Variants in COG6 observed in about 807,000 individuals in gnomAD.
COG6 encodes the protein conserved oligomeric Golgi complex subunit 6.
Under a neutral mutation model 88.8 loss-of-function variants are expected in COG6, and 74 were observed. That is an observed-to-expected ratio of 0.83 (90% CI 0.69 to 1.01). The LOEUF (loss-of-function observed/expected upper bound fraction) is 1.01, where lower values mean the gene tolerates loss of function less well. Among genes scored for constraint, COG6 ranks in the 50% least tolerant of loss-of-function variants. COG6 has a pLI of 0.00. For missense variants in COG6, 800 were observed against 797.9 expected (o/e 1.00, Z -0.03); for synonymous variants, 286 against 278.7 (o/e 1.03, Z -0.26).
At chr13:39,780,390 T>C (rs925603821) in intron 18 of COG6, among the ~76,000 whole-genome samples, 1 of 152,214 alleles carries the variant, frequency 6.6e-6, no homozygotes, top group Non-Finnish European at 1.5e-5. Context: ...CAGGCATGCA[T>C]GCCCTGGCAG....
chr13:39,749,281 G>T (rs1188346361), intron 18 of COG6, among the ~76,000 whole-genome samples: 1 of 152,174 alleles, frequency 6.6e-6, no homozygotes, highest in Non-Finnish European at 1.5e-5. Flanking sequence ...TGTATTTATT[G>T]AGCATCCATC....
At chr13:39,748,814 CA>C (rs1880473442) in intron 18 of COG6, among the ~76,000 whole-genome samples, 1 of 152,120 alleles carries the variant, frequency 6.6e-6, no homozygotes, top group South Asian at 2.1e-4. Flanking sequence ...TGGAAAATGT[CA>C]AGTTACTCCA....
chr13:39,705,127 G>A (rs1877811426), intron 13 of COG6, among the ~76,000 whole-genome samples: 1 of 152,048 alleles, frequency 6.6e-6, no homozygotes, highest in Admixed American at 6.6e-5. Context: ...AATATTTATT[G>A]TAGCATGTTC....
At chr13:39,671,483 A>T (rs2137969901) in intron 4 of COG6, among the ~76,000 whole-genome samples, 1 of 151,870 alleles carries the variant, frequency 6.6e-6, no homozygotes, top group South Asian at 2.1e-4. Flanking sequence ...ACATTTATCA[A>T]CCAGGTAGAC....
At chr13:39,694,353 A>G (rs908231227) in intron 11 of COG6, among the ~76,000 whole-genome samples, 2 of 151,796 alleles carry the variant, frequency 1.3e-5, no homozygotes, top group Non-Finnish European at 3.0e-5. Context: ...TACTGGTGAT[A>G]AATCTCAAAT....
At chr13:39,791,317 A>G (rs1881931501) in exon 19 of COG6, 1 of 152,078 alleles carries the variant, frequency 6.6e-6, no homozygotes, top group African/African-American at 2.4e-5. Context: ...TGGAAATGAA[A>G]GTATGATTCT....
At chr13:39,670,244 G>C (rs1423377234) in intron 4 of COG6, among the ~76,000 whole-genome samples, 1 of 151,944 alleles carries the variant, frequency 6.6e-6, no homozygotes, top group East Asian at 1.9e-4. Context: ...TGATAATCAG[G>C]AAAGACTATA....
chr13:39,773,871 C>T (rs79554724), intron 18 of COG6, among the ~76,000 whole-genome samples: 3 of 144,802 alleles, frequency 2.1e-5, no homozygotes, highest in South Asian at 2.2e-4. Context: ...GACATTTTTG[C>T]TTTTTTTTTT....
chr13:39,788,105 G>GTA (rs1881830835), intron 18 of COG6, among the ~76,000 whole-genome samples: 2 of 152,260 alleles, frequency 1.3e-5, no homozygotes, highest in Admixed American at 1.3e-4. Context: ...GCCATGCTTA[G>GTA]AGCTTTTCCT....
At chr13:39,660,159 A>G (rs1177572878) in intron 2 of COG6, among the ~76,000 whole-genome samples, 1 of 152,152 alleles carries the variant, frequency 6.6e-6, no homozygotes, top group Non-Finnish European at 1.5e-5. Context: ...TATTGACTGA[A>G]GACTAATACT....
chr13:39,754,229 C>T (rs779072439), downstream of COG6, among the ~76,000 whole-genome samples: 2 of 152,044 alleles, frequency 1.3e-5, no homozygotes, highest in Non-Finnish European at 2.9e-5. Flanking sequence ...TTGTTTTAAT[C>T]CTTCCTTTAG....
rs1874444796 is a variant in COG6 at position 39,655,862 on chromosome 13, C to T, written c.136C>T (p.Arg46Trp). The T allele has an allele frequency of 6.2e-7, 1 of 1,607,202 alleles. No homozygotes were observed. The highest frequency in any genetic ancestry group is 8.5e-7 in the Non-Finnish European group (1 of 1,177,882). The change falls in exon 1 of 19, where the codon CGG becomes TGG. Residue 46 changes from arginine to tryptophan, a missense_variant. Arg to Trp is a moderately radical substitution (Grantham distance 101, BLOSUM62 -3). Transcript: ENST00000455146. Reference sequence around the variant, plus strand: ...CAAGCTGCATAAGATCCTGGAGACGCGGCTGGACAACGACAAGGTAACCGG... The same window carrying T: ...CAAGCTGCATAAGATCCTGGAGACGTGGCTGGACAACGACAAGGTAACCGG... ...SRKLHKILET[R>W]LDNDKEMLEA...
Position 39,774,999 on chromosome 13 carries a change from G to C in COG6, c.1827-13336G>C, listed in dbSNP as rs114680428. ...TTAAAAGAGGCTATAAAAATGCAAAGCTACAAAAATGACAATGAAATATCA... is the reference window on the plus strand; with the variant it reads ...TTAAAAGAGGCTATAAAAATGCAAACCTACAAAAATGACAATGAAATATCA... On this transcript the variant is annotated intron_variant, in intron 18 of 18. Coordinates refer to the COG6 transcript ENST00000416691. Among the ~76,000 whole-genome samples, 1,186 of 152,280 alleles carry C rather than the reference G, an allele frequency of 7.8e-3. 14 individuals carry two copies. Among genetic ancestry groups the C allele is most frequent in the African/African-American group, 0.027 (1,114 of 41,552 alleles).
intron 4 of COG6, among the ~76,000 whole-genome samples, chr13:39,671,585 T>C (rs1875647314): frequency 6.6e-6 from 1 of 151,976 alleles, no homozygotes; most frequent in African/African-American, 2.4e-5. Flanking sequence ...TCCCTGTTGT[T>C]TATGCCCATC....
chr13:39,693,017 CTT>C (rs1412635028), intron 11 of COG6, among the ~76,000 whole-genome samples: 2 of 151,848 alleles, frequency 1.3e-5, no homozygotes, highest in Non-Finnish European at 2.9e-5. Flanking sequence ...TTTCGTTTCT[CTT>C]GTCCTTTGTT....
intron 13 of COG6, among the ~76,000 whole-genome samples, chr13:39,700,740 A>G (rs1040540515): frequency 6.6e-6 from 1 of 151,856 alleles, no homozygotes; most frequent in African/African-American, 2.4e-5. Context: ...TCTGGTTATT[A>G]TAGAATTCTA....
At chr13:39,724,253 T>C (rs1252046547) in intron 16 of COG6, among the ~76,000 whole-genome samples, 1 of 151,970 alleles carries the variant, frequency 6.6e-6, no homozygotes, top group Non-Finnish European at 1.5e-5. Context: ...CTTCATTTTC[T>C]TGGGTATGCG....
intron 2 of COG6, 91 bp from the exon 3 acceptor site, chr13:39,660,719 A>G: frequency 2.3e-6 from 2 of 877,130 alleles, no homozygotes. Context: ...AAAATAAAAA[A>G]TTATGTAACT....
At chr13:39,656,395 G>C (rs987466490) in intron 1 of COG6, 3 of 339,670 alleles carry the variant, frequency 8.8e-6, no homozygotes, top group African/African-American at 6.5e-5. Flanking sequence ...TTTGCCCGTG[G>C]CTGAAATGAA....
Sources: allele counts gnomAD v4.1 joint callset (sites outside exome capture counted in the v4.1 genomes callset), GRCh38; gene constraint gnomAD v4.1.1; transcripts MANE v1.5; gene names NCBI Gene and HGNC (gene_info 2026-07-23, HGNC 2026-07-21).